LINGO2: variants seen among roughly 807,000 people sequenced by gnomAD.
LINGO2 encodes the protein leucine-rich repeat and immunoglobulin-like domain-containing nogo receptor-interacting protein 2.
LINGO2 carries 14 observed loss-of-function variants against 30.6 expected under a neutral mutation model. That is an observed-to-expected ratio of 0.46 (90% confidence interval 0.30 to 0.72). LINGO2 has a LOEUF of 0.72. Ranked by LOEUF, LINGO2 falls within the 30% of genes least tolerant of loss-of-function variation. LINGO2 has a pLI of 0.07. For synonymous variants in LINGO2, 317 were observed against 288.5 expected (o/e 1.10, Z -1.00); for missense variants, 729 against 751.7 (o/e 0.97, Z 0.35).
chr9:28,874,011 C>T, the LINGO2 span, among the ~76,000 whole-genome samples: 2 of 151,754 alleles, frequency 1.3e-5, no homozygotes, highest in Non-Finnish European at 2.9e-5. Context: ...AATGTAATGG[C>T]TGAGGAAGAA....
At chr9:28,781,374 A>T in the LINGO2 span, among the ~76,000 whole-genome samples, 8 of 152,320 alleles carry the variant, frequency 5.3e-5, no homozygotes, top group African/African-American at 1.7e-4. Context: ...GATTTTATGC[A>T]TCAACATTTG....
intron 1 of LINGO2, among the ~76,000 whole-genome samples, chr9:28,632,417 T>C (rs1444119999): frequency 1.3e-5 from 2 of 151,506 alleles, no homozygotes; most frequent in African/African-American, 4.8e-5. Context: ...ACTATCCAGA[T>C]GAGAGAAAGA....
chr9:28,965,239 AG>A, the LINGO2 span, among the ~76,000 whole-genome samples: 2 of 152,040 alleles, frequency 1.3e-5, no homozygotes, highest in East Asian at 3.9e-4. Flanking sequence ...GAAAGTGAAT[AG>A]TGAACTATTT....
At chr9:29,030,033 G>T in the LINGO2 span, among the ~76,000 whole-genome samples, 2 of 151,960 alleles carry the variant, frequency 1.3e-5, no homozygotes, top group African/African-American at 4.8e-5. Flanking sequence ...GGTGTTAGAA[G>T]AAAAAGCTTA....
the LINGO2 span, among the ~76,000 whole-genome samples, chr9:29,205,913 T>A: frequency 6.6e-6 from 1 of 152,226 alleles, no homozygotes; most frequent in African/African-American, 2.4e-5. Flanking sequence ...CAGTGCCAGA[T>A]GAAAACCACT....
intron 5 of LINGO2, among the ~76,000 whole-genome samples, chr9:27,965,146 G>T (rs1279658925): frequency 6.6e-6 from 1 of 152,040 alleles, no homozygotes; most frequent in African/African-American, 2.4e-5. Context: ...TAATCCTGTT[G>T]AAGCAATTTT....
At chr9:27,984,319 A>G (rs1337884780) in intron 5 of LINGO2, among the ~76,000 whole-genome samples, 2 of 151,868 alleles carry the variant, frequency 1.3e-5, no homozygotes, top group East Asian at 1.9e-4. Flanking sequence ...GACCTTCCCA[A>G]TGCATCTCAT....
the LINGO2 span, among the ~76,000 whole-genome samples, chr9:28,825,425 G>C: frequency 2.0e-5 from 3 of 151,778 alleles, no homozygotes; most frequent in African/African-American, 7.3e-5. Context: ...ATTGCAGAGA[G>C]GTAAACAGGA....
chr9:28,248,535 T>C (rs149174751), intron 4 of LINGO2, among the ~76,000 whole-genome samples: 2 of 152,036 alleles, frequency 1.3e-5, no homozygotes, highest in Non-Finnish European at 2.9e-5. Context: ...AAAGAATGAA[T>C]AAGACCTAGT....
the LINGO2 span, among the ~76,000 whole-genome samples, chr9:28,974,802 T>G: frequency 6.6e-6 from 1 of 152,026 alleles, no homozygotes; most frequent in Non-Finnish European, 1.5e-5. Context: ...ACTTGCAAAG[T>G]TCTTAGACAC....
the LINGO2 span, among the ~76,000 whole-genome samples, chr9:29,074,488 C>T: frequency 1.3e-5 from 2 of 152,014 alleles, no homozygotes; most frequent in Non-Finnish European, 2.9e-5. Context: ...ATTTCACTTT[C>T]TTGTAATATA....
chr9:28,412,185 G>GA (rs59158472), intron 2 of LINGO2, among the ~76,000 whole-genome samples: 10,833 of 120,342 alleles, frequency 0.09, 768 homozygotes, highest in East Asian at 0.24. Flanking sequence ...ACTTGTAAGT[G>GA]AAAAAAAAAA....
intron 3 of LINGO2, among the ~76,000 whole-genome samples, chr9:28,337,185 C>A (rs1006025189): frequency 1.3e-5 from 2 of 151,242 alleles, no homozygotes; most frequent in Non-Finnish European, 2.9e-5. Flanking sequence ...GAGAAAAACA[C>A]TTTCTCTCTT....
chr9:28,742,736 T>A, the LINGO2 span, among the ~76,000 whole-genome samples: 1 of 146,896 alleles, frequency 6.8e-6, no homozygotes, highest in Admixed American at 6.6e-5. Context: ...ACTTTTTGAT[T>A]AACCCTTTTT....
At chr9:28,229,144 C>T (rs536358629) in intron 4 of LINGO2, among the ~76,000 whole-genome samples, 5 of 151,822 alleles carry the variant, frequency 3.3e-5, no homozygotes, top group African/African-American at 1.2e-4. Flanking sequence ...CTAAACATAA[C>T]ATACATATTT....
the LINGO2 span, among the ~76,000 whole-genome samples, chr9:29,059,717 C>G: frequency 6.6e-6 from 1 of 151,994 alleles, no homozygotes; most frequent in African/African-American, 2.4e-5. Flanking sequence ...GAAAATCAGC[C>G]TGACGTTATC....
At chr9:28,176,306 A>G (rs1319468053) in intron 4 of LINGO2, among the ~76,000 whole-genome samples, 1 of 152,166 alleles carries the variant, frequency 6.6e-6, no homozygotes, top group Non-Finnish European at 1.5e-5. Flanking sequence ...AGCTAGTTCA[A>G]TATATCATTC....
rs551238421 is a variant in LINGO2, at chr9:28,453,157, C to G, written c.-279+22783G>C. 1.8e-3 allele frequency among the ~76,000 whole-genome samples: 273 copies of G among 151,730 alleles called. 1 individual carries two copies. Among genetic ancestry groups the G allele is most frequent in the African/African-American group, 6.4e-3 (264 of 41,428 alleles). ...ACATTTTTATTTATTCAATATTTTC[C>G]CAGCATTTTCTGTGTTCCAACCACT... is the stretch of plus-strand genomic sequence containing the variant. On this transcript the variant is annotated intron_variant, in intron 2 of 5. Transcript: ENST00000379992.
intron 1 of LINGO2, among the ~76,000 whole-genome samples, chr9:28,632,853 TTTTTA>T (rs1563878972): frequency 1.3e-5 from 1 of 76,782 alleles, no homozygotes; most frequent in African/African-American, 8.6e-5. Flanking sequence ...CTATATATAT[TTTTTA>T]TATATATATA....
Sources: allele counts gnomAD v4.1 joint callset (sites outside exome capture counted in the v4.1 genomes callset), GRCh38; gene constraint gnomAD v4.1.1; transcripts MANE v1.5; gene names NCBI Gene and HGNC (gene_info 2026-07-23, HGNC 2026-07-21).